POLE: variants seen among roughly 807,000 people sequenced by gnomAD.
The protein encoded by POLE is DNA polymerase epsilon catalytic subunit A.
POLE carries 188 observed loss-of-function variants against 279.2 expected under a neutral mutation model. That is an observed-to-expected ratio of 0.67 (90% CI 0.60 to 0.76). The LOEUF is 0.76. Among genes scored for constraint, POLE ranks in the 30% least tolerant of loss-of-function variants. The probability of loss-of-function intolerance (pLI) is 0.00; values close to 1 mark genes in which losing one functional copy is unlikely to be tolerated. For missense variants in POLE, 2,703 were observed against 3,016.7 expected, an observed-to-expected ratio of 0.90 and a Z score of 2.44; for synonymous variants, 1,214 against 1,172.5, an observed-to-expected ratio of 1.04 and a Z score of -0.72.
rs1287353490 is a variant in POLE at position 132,632,185 on chromosome 12, CCTT to C, written c.6330+127_6330+129del. On this transcript the variant is annotated intron_variant, in intron 45 of 48. Transcript: ENST00000320574. ...TTACCATGCACAGGTATGTCGGTGTCCTTATCTTGCACACATACGCTAGCACGT... is the reference window on the plus strand; with the variant it reads ...TTACCATGCACAGGTATGTCGGTGTCATCTTGCACACATACGCTAGCACGT... The C allele has an allele frequency of 4.2e-6, 3 of 707,506 alleles. No homozygotes were observed. In the South Asian group the frequency reaches 5.4e-5, roughly 13 times the overall value. The allele number at this position is 707,506 out of a possible 1,614,324, so 43.8% of individuals were successfully genotyped here. A position where few individuals can be genotyped will look rare whatever the true frequency, so the allele number is the denominator to read the frequency against.
intron 36 of POLE, 26 bp downstream of exon 36, chr12:132,642,794 C>A (rs1371705220): frequency 1.5e-5 from 24 of 1,613,422 alleles, no homozygotes; most frequent in African/African-American, 2.7e-5. Flanking sequence ...ATGGGGCTCA[C>A]ACAGCAAGAC....
intron 26 of POLE, chr12:132,658,795 C>T (rs1394381085): frequency 2.6e-5 from 4 of 155,948 alleles, no homozygotes; most frequent in African/African-American, 1.0e-4. Flanking sequence ...CTATTCCCTC[C>T]TCACACAGAA....
rs768396766 is a variant in POLE at position 132,672,220 on chromosome 12, C to T, written c.1789G>A (p.Glu597Lys). 25 of 1,612,710 alleles carry T rather than the reference C, an allele frequency of 1.6e-5. No homozygotes were observed. Among genetic ancestry groups the T allele is most frequent in the Non-Finnish European group, 2.0e-5 (24 of 1,178,674 alleles). The change falls in exon 16 of 49, where the codon GAA becomes AAA. Residue 597 changes from glutamate to lysine, a missense_variant. Glu to Lys is a moderately conservative substitution (Grantham distance 56). Transcript: ENST00000320574. The part of the protein sequence containing the change: ...KVPVEQVTNF[E>K]EVCDEIKSKL... ...CCTGCCTCCCTGATGGTTACCTCTT[C>T]AAAGTTGGTGACTTGCTCCACAGGC...
At chr12:132,674,669 C>A (rs1313846213) in intron 12 of POLE, among the ~76,000 whole-genome samples, 1 of 152,190 alleles carries the variant, frequency 6.6e-6, no homozygotes, top group East Asian at 1.9e-4. Flanking sequence ...GACTGTCACA[C>A]CGTCACACGC....
At position 132,672,112 on chromosome 12, in the gene POLE, G is replaced by A. The variant is rs557958050; in HGVS notation, c.1794+103C>T. The stretch of plus-strand genomic sequence containing the variant: ...AGAGACCCTGTGTCATCCGTCCACA[G>A]CACCACACGCAGCAGGTGCACAATA... On this transcript the variant is annotated intron_variant, in intron 16 of 48. Coordinates refer to ENST00000320574, the MANE Select transcript of POLE (RefSeq NM_006231.4). 126 of 795,636 alleles carry A rather than the reference G, an allele frequency of 1.6e-4. No homozygotes were observed. In the African/African-American group the frequency reaches 1.8e-3, roughly 11 times the overall value. The allele number at this position is 795,636 out of a possible 1,614,324, so 49.3% of individuals were successfully genotyped here.
At position 132,632,785 on chromosome 12, in the gene POLE, C is replaced by A; in HGVS notation, c.6015G>T (p.Val2005=). Residue 2005 remains valine, a synonymous_variant, in exon 44 of 49, where the codon GTG becomes GTT. Transcript: ENST00000320574. ...CGTCCTTCATGCAGTGGTACACGGC[C>A]ACGATGTACGCTGTGGAGAGGCACA... is the stretch of plus-strand genomic sequence containing the variant. ...YFLMIVSAYI[V]AVYHCMKDGL... is the part of the protein sequence containing the mutation. 1 of 1,608,044 alleles carries A rather than the reference C, an allele frequency of 6.2e-7. No individual in the cohort carries two copies. Among genetic ancestry groups the A allele is most frequent in the Non-Finnish European group, 8.5e-7 (1 of 1,179,336 alleles).
chr12:132,676,591 A>G lies in POLE; in HGVS notation c.864T>C (p.Ala288=), dbSNP rs761167791. The part of the protein sequence containing the change: ...TTKLPLKFPD[A]ETDQIMMISY... ...AAATCATCATAATCTGGTCTGTCTC[A>G]GCATCAGGAAACTTGAGGGGCAGTT... Residue 288 remains alanine (A), a synonymous_variant, in exon 9 of 49, where the codon GCT becomes GCC. Transcript: ENST00000320574. The G allele has an allele frequency of 5.6e-6, 9 of 1,614,026 alleles. No homozygotes were observed. In the Admixed American group the frequency reaches 8.3e-5, roughly 15 times the overall value.
At chr12:132,670,135 G>T (rs1348146956) in intron 16 of POLE, among the ~76,000 whole-genome samples, 1 of 151,990 alleles carries the variant, frequency 6.6e-6, no homozygotes, top group Non-Finnish European at 1.5e-5. Context: ...ACTTTGGGAG[G>T]CCAAGCGGGC....
rs1422069744 is a variant in POLE at position 132,675,043 on chromosome 12, G to T, written c.1226+355C>A. Among the ~76,000 whole-genome samples, 1 of 152,158 alleles carries T rather than the reference G, an allele frequency of 6.6e-6. No individual in the cohort carries two copies. The highest frequency in any genetic ancestry group is 2.4e-5 in the African/African-American group (1 of 41,426). ...CATATGGAATCTGTGGTTGTCCCGTGAGGCTTGTCCTGTGAGGCAGCCGGG... is the reference window on the plus strand; with the variant it reads ...CATATGGAATCTGTGGTTGTCCCGTTAGGCTTGTCCTGTGAGGCAGCCGGG... On this transcript the variant is annotated intron_variant, in intron 12 of 48. Coordinates refer to ENST00000320574, the MANE Select transcript of POLE (RefSeq NM_006231.4). The surrounding 1 kb of genome is among the most constrained non-coding windows in gnomAD (Gnocchi z 4.3).
intron 46 of POLE, 41 bp downstream of exon 46, chr12:132,626,076 T>C (rs945681075): frequency 6.5e-7 from 1 of 1,548,794 alleles, no homozygotes; most frequent in Non-Finnish European, 8.8e-7. Flanking sequence ...CCCTCGGATG[T>C]TCTGCTCCAC....
rs2041780090 is a variant in POLE, at chr12:132,624,095, C to G, written c.*602G>C. The G allele has an allele frequency of 4.7e-6, 1 of 210,668 alleles. No individual in the cohort carries two copies. Among genetic ancestry groups the G allele is most frequent in the Non-Finnish European group, 9.6e-6 (1 of 104,068 alleles). 13.0% of individuals were successfully genotyped at this position (210,668 alleles called of 1,614,324 possible). A position where few individuals can be genotyped will look rare whatever the true frequency, so the allele number is the denominator to read the frequency against. On this transcript the variant is annotated 3_prime_UTR_variant, in exon 49 of 49. Coordinates refer to ENST00000320574, the MANE Select transcript of POLE (RefSeq NM_006231.4). Reference sequence around the variant, plus strand: ...AGGCTGATAGAGGGTTCCCTCTAGACCCGGCTCCAAATAAGCAGGGCTCAC... The same window carrying G: ...AGGCTGATAGAGGGTTCCCTCTAGAGCCGGCTCCAAATAAGCAGGGCTCAC...
chr12:132,644,163 T>C (rs553306455), intron 32 of POLE, among the ~76,000 whole-genome samples, 186 bp from the exon 33 acceptor site: 1 of 152,162 alleles, frequency 6.6e-6, no homozygotes, highest in Admixed American at 6.5e-5. Flanking sequence ...ATTTTTATGT[T>C]ATTTATTTAT....
At position 132,665,441 on chromosome 12, in the gene POLE, T is replaced by G. The variant is rs1489234908; in HGVS notation, c.2329A>C (p.Lys777Gln). ...EFKGLHKVWKKKLSAAVEVGD... is the reference protein window; with the variant it reads ...EFKGLHKVWKQKLSAAVEVGD... ...ACCTCCACGGCCGCCGAGAGCTTCTTTTTCCACACCTGAGAAGCACATGAA... is the reference window on the plus strand; with the variant it reads ...ACCTCCACGGCCGCCGAGAGCTTCTGTTTCCACACCTGAGAAGCACATGAA... The change falls in exon 21 of 49, where the codon AAG becomes CAG. Residue 777 changes from lysine (K) to glutamine (Q), a missense_variant. Lys to Gln is a moderately conservative substitution (Grantham distance 53). Coordinates refer to ENST00000320574, the MANE Select transcript of POLE (RefSeq NM_006231.4). The G allele has an allele frequency of 6.2e-7, 1 of 1,610,802 alleles. No homozygotes were observed. The highest frequency in any genetic ancestry group is 2.2e-5 in the East Asian group (1 of 44,870).
rs1593073447 is a variant in POLE, at chr12:132,673,690, C to A, written c.1244G>T (p.Ser415Ile). 6.2e-7 allele frequency: 1 copy of A among 1,613,776 alleles called. No individual in the cohort carries two copies. The highest frequency in any genetic ancestry group is 1.7e-5 in the Admixed American group (1 of 60,008). Residue 415 changes from serine to isoleucine, a missense_variant, in exon 13 of 49, where the codon AGT (serine) becomes ATT (isoleucine). Around this residue, in one of 5 missense-constraint regions of POLE, gnomAD observed 1,011 missense variants for 1,111.7 expected, o/e 0.91. Transcript: ENST00000320574. ...MDCLRWVKRD[S>I]YLPVGSHNLK... The stretch of plus-strand genomic sequence containing the variant: ...ATTATGACTGCCCACAGGAAGGTAA[C>A]TGTCCCTCTTCACCCACCTGGAAGG...
intron 25 of POLE, chr12:132,659,789 T>C (rs2138681285): frequency 2.7e-6 from 1 of 365,118 alleles, no homozygotes; most frequent in Non-Finnish European, 5.0e-6. Context: ...CCTCCTGGGT[T>C]CAAGAGATTC....
At position 132,673,948 on chromosome 12, in the gene POLE, G is replaced by A. The variant is rs545472898; in HGVS notation, c.1227-241C>T. ...ACCAGGACTGGTCCTTCCGGCCCTCGCCTTCCTCCCATCCTCAGCAGAGTT... is the reference window on the plus strand; with the variant it reads ...ACCAGGACTGGTCCTTCCGGCCCTCACCTTCCTCCCATCCTCAGCAGAGTT... On this transcript the variant is annotated intron_variant, in intron 12 of 48. Coordinates refer to ENST00000320574, the MANE Select transcript of POLE (RefSeq NM_006231.4). Among the ~76,000 whole-genome samples the A allele has an allele frequency of 2.2e-4, 33 of 152,152 alleles. No individual in the cohort carries two copies. In the South Asian group the frequency reaches 5.2e-3, roughly 24 times the overall value.
chr12:132,687,238 G>A lies in POLE; in HGVS notation c.62+16C>T. 6.8e-7 allele frequency: 1 copy of A among 1,476,262 alleles called. No individual in the cohort carries two copies. The highest frequency in any genetic ancestry group is 9.0e-7 in the Non-Finnish European group (1 of 1,113,516). 91.4% of individuals were successfully genotyped at this position (1,476,262 alleles called of 1,614,324 possible). A position where few individuals can be genotyped will look rare whatever the true frequency, so the allele number is the denominator to read the frequency against. On this transcript the variant is annotated intron_variant, in intron 1 of 48. Coordinates refer to ENST00000320574, the MANE Select transcript of POLE (RefSeq NM_006231.4). ...CCGGAGGGCCGGCCCGAGAGCCTCA[G>A]GAGGGCGCCCCTCACCTGCTGGCCT...
rs777443394 is a variant in POLE at position 132,675,716 on chromosome 12, A to G, written c.1106+19T>C. 6.2e-7 allele frequency: 1 copy of G among 1,608,794 alleles called. No homozygotes were observed. Among genetic ancestry groups the G allele is most frequent in the Admixed American group, 1.7e-5 (1 of 60,022 alleles). ...TCTCAAATGCTGCCCAGTTACTCAT[A>G]GAGAAGACACAGACTCACCAGTCAA... is the stretch of plus-strand genomic sequence containing the variant. On this transcript the variant is annotated intron_variant, in intron 11 of 48. Transcript: ENST00000320574. The surrounding 1 kb of genome is among the most constrained non-coding windows in gnomAD (Gnocchi z 4.3).
At position 132,652,860 on chromosome 12, in the gene POLE, T is replaced by A. The variant is rs1229734556; in HGVS notation, c.3583-2971A>T. 2.6e-5 allele frequency among the ~76,000 whole-genome samples: 4 copies of A among 152,198 alleles called. No individual in the cohort carries two copies. In the South Asian group the frequency reaches 8.3e-4, roughly 32 times the overall value. ...TAGTAAGATCAACGTGCCCTCCTTA[T>A]TCTTCAAAATTCTTTGGTTATTCTT... On this transcript the variant is annotated intron_variant, in intron 29 of 48. Coordinates refer to ENST00000320574, the MANE Select transcript of POLE (RefSeq NM_006231.4).
Sources: allele counts gnomAD v4.1 joint callset (sites outside exome capture counted in the v4.1 genomes callset), GRCh38; gene constraint gnomAD v4.1.1; regional missense constraint gnomAD v4.1.1; non-coding constraint Gnocchi (gnomAD v3.1); transcripts MANE v1.5; gene names NCBI Gene and HGNC (gene_info 2026-07-23, HGNC 2026-07-21).